The following PTPA variants were observed in gnomAD, a reference collection of about 807,000 sequenced individuals.
PTPA encodes the protein serine/threonine-protein phosphatase 2A activator.
A neutral mutation model predicts 43.6 loss-of-function variants in PTPA; 13 were observed. That is an observed-to-expected ratio of 0.30 (90% CI 0.19 to 0.47). The LOEUF (loss-of-function observed/expected upper bound fraction) is 0.47. Among genes scored for constraint, PTPA ranks in the 20% least tolerant of loss-of-function variants. PTPA has a pLI of 0.99. For missense variants in PTPA, 329 were observed against 411.9 expected, an observed-to-expected ratio of 0.80 and a Z score of 1.74; for synonymous variants, 172 against 158.2, an observed-to-expected ratio of 1.09 and a Z score of -0.66.
intron 9 of PTPA, chr9:129,143,575 G>A (rs3118634): frequency 0.079 from 50,386 of 638,458 alleles, 2,472 homozygotes; most frequent in East Asian, 0.19. Flanking sequence ...GATGCTTCCA[G>A]TTGGCTTGGC....
intron 2 of PTPA, among the ~76,000 whole-genome samples, chr9:129,121,329 C>T (rs964320315): frequency 6.6e-6 from 1 of 152,222 alleles, no homozygotes; most frequent in African/African-American, 2.4e-5. Context: ...GAGACCCACA[C>T]CCTACAGCTT....
In PTPA at chr9:129,111,465, G is replaced by A. The variant is rs1848477152; in HGVS notation, c.-136G>A. 4.0e-6 allele frequency: 5 copies of A among 1,262,438 alleles called. No homozygotes were observed. The African/African-American group carries it at 7.7e-5, about 20-fold the overall frequency. 78.2% of individuals were successfully genotyped at this position (1,262,438 alleles called of 1,614,324 possible). On this transcript the variant is annotated 5_prime_UTR_variant, in exon 1 of 10. Transcript: ENST00000393370. ...TGGTGACTTTAACTCTCGGTTTTCG[G>A]TTATAGCCGGCCGGCGCTCACTTGT...
At chr9:129,111,019 C>G, upstream of PTPA, 1 of 1,370,258 alleles carries the variant, frequency 7.3e-7, no homozygotes, top group Non-Finnish European at 9.8e-7. Context: ...CACATGTCTT[C>G]TAAGCTGTTG....
chr9:129,112,683 C>G (rs562290053), intron 1 of PTPA, among the ~76,000 whole-genome samples: 3 of 152,128 alleles, frequency 2.0e-5, no homozygotes, highest in African/African-American at 7.2e-5. Flanking sequence ...GGCTCATGCC[C>G]GTAATCCCAG....
rs549802525 is a variant in PTPA, at chr9:129,111,456, C to T, written c.-145C>T. On this transcript the variant is annotated 5_prime_UTR_variant, in exon 1 of 10. Coordinates refer to ENST00000393370, the MANE Select transcript of PTPA (RefSeq NM_178000.3). ...TCTTCGCTGTGGTGACTTTAACTCT[C>T]GGTTTTCGGTTATAGCCGGCCGGCG... 1.6e-5 allele frequency: 20 copies of T among 1,256,502 alleles called. No individual in the cohort carries two copies. In the Admixed American group the frequency reaches 5.1e-4, roughly 32 times the overall value. The allele number at this position is 1,256,502 out of a possible 1,614,324, so 77.8% of individuals were successfully genotyped here. A position where few individuals can be genotyped will look rare whatever the true frequency, so the allele number is the denominator to read the frequency against.
chr9:129,143,685 A>G (rs1299476981), intron 9 of PTPA: 1 of 471,920 alleles, frequency 2.1e-6, no homozygotes, highest in Non-Finnish European at 3.9e-6. Flanking sequence ...CTTCCTCTGG[A>G]CCTCACATCC....
At chr9:129,111,188 C>A, upstream of PTPA, 1 of 1,111,372 alleles carries the variant, frequency 9.0e-7, no homozygotes, top group South Asian at 1.5e-5. Context: ...TACTCCGGGA[C>A]AGGAGACTGT....
intron 9 of PTPA, among the ~76,000 whole-genome samples, chr9:129,145,327 T>C (rs1851224784): frequency 6.8e-6 from 1 of 147,710 alleles, no homozygotes; most frequent in African/African-American, 2.6e-5. Context: ...AGACTCCATC[T>C]CAGGAAAAAA....
chr9:129,142,389 A>T, intron 8 of PTPA, 56 bp from the exon 9 acceptor site: 1 of 1,489,068 alleles, frequency 6.7e-7, no homozygotes, highest in Non-Finnish European at 9.1e-7. Flanking sequence ...GCAGGGGAGG[A>T]GGGATGAGCT....
At chr9:129,111,277 C>A (rs1210669670), upstream of PTPA, 4 of 1,203,324 alleles carry the variant, frequency 3.3e-6, no homozygotes, top group African/African-American at 4.9e-5. Context: ...GACGTTCGGG[C>A]GGCCGTGAGC....
At chr9:129,139,218 G>A (rs1850590562) in intron 8 of PTPA, among the ~76,000 whole-genome samples, 4 of 152,172 alleles carry the variant, frequency 2.6e-5, no homozygotes, top group African/African-American at 9.7e-5. Context: ...GTAAAATTTT[G>A]TCTTTAGTTG....
intron 8 of PTPA, among the ~76,000 whole-genome samples, chr9:129,140,690 C>T (rs981802140): frequency 2.6e-5 from 4 of 152,052 alleles, no homozygotes; most frequent in Non-Finnish European, 5.9e-5. Flanking sequence ...CTCAGAGGGC[C>T]CTGTCCAGAG....
chr9:129,140,212 C>G (rs552352702), intron 8 of PTPA: 1 of 152,614 alleles, frequency 6.6e-6, no homozygotes, highest in Non-Finnish European at 1.5e-5. Flanking sequence ...GGGGTCACTG[C>G]GGGCTGCAGC....
intron 9 of PTPA, among the ~76,000 whole-genome samples, chr9:129,143,894 A>G (rs1588539633): frequency 6.6e-6 from 1 of 151,234 alleles, no homozygotes; most frequent in South Asian, 2.1e-4. Flanking sequence ...CTGCTGGGGA[A>G]CTCTCACTCT....
chr9:129,128,117 G>A (rs755327303), intron 3 of PTPA: 1 of 1,230,950 alleles, frequency 8.1e-7, no homozygotes, highest in African/African-American at 1.6e-5. Flanking sequence ...GAGAGGCTCA[G>A]AGTTAGTCAC....
intron 1 of PTPA, chr9:129,111,991 G>C: frequency 3.5e-6 from 1 of 288,186 alleles, no homozygotes; most frequent in Non-Finnish European, 6.3e-6. Flanking sequence ...GCCAGGGAGG[G>C]GGGCGAAAGT....
chr9:129,125,773 A>G (rs952529825), intron 3 of PTPA, among the ~76,000 whole-genome samples: 1 of 152,228 alleles, frequency 6.6e-6, no homozygotes, highest in Non-Finnish European at 1.5e-5. Flanking sequence ...AACACATACT[A>G]AATAAATACT....
At chr9:129,120,254 T>G in intron 1 of PTPA, among the ~76,000 whole-genome samples, 1 of 109,506 alleles carries the variant, frequency 9.1e-6, no homozygotes, top group East Asian at 2.6e-4. Flanking sequence ...CGAGACTCTG[T>G]CTCAAAGAAA....
chr9:129,145,979 T>A (rs1229769370), intron 9 of PTPA, among the ~76,000 whole-genome samples: 3 of 152,124 alleles, frequency 2.0e-5, no homozygotes, highest in African/African-American at 7.2e-5. Flanking sequence ...CTGAGGGGGC[T>A]GGCTCTGGGG....
Sources: allele counts gnomAD v4.1 joint callset (sites outside exome capture counted in the v4.1 genomes callset), GRCh38; gene constraint gnomAD v4.1.1; transcripts MANE v1.5; gene names NCBI Gene and HGNC (gene_info 2026-07-23, HGNC 2026-07-21).